Variants in RAD54B observed in about 807,000 individuals in gnomAD.
RAD54B encodes DNA repair and recombination protein RAD54B.
A neutral mutation model predicts 95.8 loss-of-function variants in RAD54B; 78 were observed. The ratio of observed to expected loss-of-function variants is 0.81; its 90% CI spans 0.68 to 0.98. RAD54B has a LOEUF of 0.98. RAD54B is among the 50% of genes least tolerant of loss of function. RAD54B has a pLI of 0.00. For missense variants in RAD54B, 957 were observed against 1,056.6 expected, an observed-to-expected ratio of 0.91 and a Z score of 1.31; for synonymous variants, 328 against 354.9, an observed-to-expected ratio of 0.92 and a Z score of 0.85.
intron 3 of RAD54B, among the ~76,000 whole-genome samples, chr8:94,411,804 T>TA (rs1321554059): frequency 1.3e-5 from 2 of 152,168 alleles, no homozygotes; most frequent in East Asian, 3.9e-4. Flanking sequence ...AACATTCTGT[T>TA]TTGATATATG....
At chr8:94,425,480 A>G (rs530422456) in intron 3 of RAD54B, among the ~76,000 whole-genome samples, 31 of 152,292 alleles carry the variant, frequency 2.0e-4, no homozygotes, top group Non-Finnish European at 4.1e-4. Flanking sequence ...TCATGTTTTG[A>G]GTTTTAAAAT....
intron 3 of RAD54B, chr8:94,436,533 G>T: frequency 1.3e-6 from 2 of 1,549,998 alleles, no homozygotes; most frequent in South Asian, 1.2e-5. Context: ...GGCAAAAACT[G>T]GAAATCTGGG....
chr8:94,468,230 A>G (rs1166285258), intron 1 of RAD54B, among the ~76,000 whole-genome samples: 2 of 152,164 alleles, frequency 1.3e-5, no homozygotes, highest in Non-Finnish European at 2.9e-5. Context: ...ATCTTTAAAA[A>G]TAGTTACATG....
intron 2 of RAD54B, among the ~76,000 whole-genome samples, chr8:94,460,473 A>T (rs1479386345): frequency 6.6e-6 from 1 of 152,232 alleles, no homozygotes; most frequent in Non-Finnish European, 1.5e-5. Context: ...CCTGCCTCAA[A>T]AAATAAAAAT....
intron 3 of RAD54B, among the ~76,000 whole-genome samples, chr8:94,418,048 TC>T (rs1811717619): frequency 1.3e-5 from 2 of 152,200 alleles, no homozygotes; most frequent in South Asian, 4.1e-4. Context: ...TGACCTTCCT[TC>T]CCTAATGAGA....
intron 6 of RAD54B, among the ~76,000 whole-genome samples, chr8:94,401,590 A>G (rs1250424588): frequency 6.6e-6 from 1 of 152,192 alleles, no homozygotes; most frequent in East Asian, 1.9e-4. Flanking sequence ...CAAAAGTTAT[A>G]TGCAGATTTT....
intron 4 of RAD54B, among the ~76,000 whole-genome samples, chr8:94,408,142 C>T (rs1289072576): frequency 6.6e-6 from 1 of 152,122 alleles, no homozygotes; most frequent in Admixed American, 6.5e-5. Context: ...GCAACTGCTA[C>T]CACAACTAGT....
chr8:94,452,196 C>A (rs1812671266), intron 3 of RAD54B, among the ~76,000 whole-genome samples: 1 of 152,202 alleles, frequency 6.6e-6, no homozygotes, highest in South Asian at 2.1e-4. Context: ...CCTCCCAAAG[C>A]CCTCACCTCC....
chr8:94,379,739 ATGTTACTTT>A (rs1268170463), intron 12 of RAD54B, among the ~76,000 whole-genome samples: 1 of 152,224 alleles, frequency 6.6e-6, no homozygotes, highest in African/African-American at 2.4e-5. Flanking sequence ...TTTCCTAAAT[ATGTTACTTT>A]TATACCCTTA....
At chr8:94,469,206 AACGGTGAT>A (rs1813107286) in intron 1 of RAD54B, among the ~76,000 whole-genome samples, 1 of 152,114 alleles carries the variant, frequency 6.6e-6, no homozygotes, top group African/African-American at 2.4e-5. Flanking sequence ...ATTTAAACTG[AACGGTGAT>A]ACAGTTTGGC....
chr8:94,474,211 C>T (rs1813238143), intron 1 of RAD54B, among the ~76,000 whole-genome samples: 1 of 152,082 alleles, frequency 6.6e-6, no homozygotes, highest in African/African-American at 2.4e-5. Flanking sequence ...GTGGAGACAA[C>T]TAGAAGGGAG....
chr8:94,407,789 CA>C, intron 4 of RAD54B, 69 bp from the exon 5 acceptor site: 2 of 1,331,394 alleles, frequency 1.5e-6, no homozygotes, highest in East Asian at 2.3e-5. Context: ...CGTAACTGTA[CA>C]AAAAAACTGC....
At chr8:94,437,904 T>C (rs951229520) in intron 3 of RAD54B, among the ~76,000 whole-genome samples, 3 of 152,204 alleles carry the variant, frequency 2.0e-5, no homozygotes, top group Non-Finnish European at 4.4e-5. Flanking sequence ...TACATAATAA[T>C]GTAAGCAAGA....
intron 11 of RAD54B, among the ~76,000 whole-genome samples, chr8:94,382,366 A>G (rs1810765352): frequency 6.6e-6 from 1 of 152,208 alleles, no homozygotes; most frequent in Non-Finnish European, 1.5e-5. Flanking sequence ...CTAGAAAACA[A>G]CATGTAAAGC....
Position 94,427,844 on chromosome 8 carries a change from C to A in RAD54B, c.305-16529G>T, listed in dbSNP as rs543736979. On this transcript the variant is annotated intron_variant, in intron 3 of 14. Transcript: ENST00000336148. ...TTAAACATGTGTATTTAAAAGTTGA[C>A]ATTACTCCAAAAGAAGGCACATGAA... The A allele has an allele frequency of 4.2e-6, 4 of 960,294 alleles. No homozygotes were observed. The African/African-American group carries it at 7.1e-5, about 17-fold the overall frequency. The allele number at this position is 960,294 out of a possible 1,614,324, so 59.5% of individuals were successfully genotyped here.
chr8:94,427,031 G>A (rs1383207305), intron 3 of RAD54B, among the ~76,000 whole-genome samples: 1 of 152,084 alleles, frequency 6.6e-6, no homozygotes, highest in East Asian at 1.9e-4. Flanking sequence ...CAGAATCTAT[G>A]TGGTAGATAT....
chr8:94,384,675 T>C (rs541640348), intron 11 of RAD54B, among the ~76,000 whole-genome samples: 2 of 152,350 alleles, frequency 1.3e-5, no homozygotes, highest in African/African-American at 4.8e-5. Context: ...GTTATGTCTA[T>C]ATTACCACAA....
chr8:94,422,396 G>T (rs1811825217), intron 3 of RAD54B, among the ~76,000 whole-genome samples: 1 of 150,758 alleles, frequency 6.6e-6, no homozygotes, highest in African/African-American at 2.4e-5. Flanking sequence ...AGACCAGCCT[G>T]GCCAACGTGG....
intron 3 of RAD54B, among the ~76,000 whole-genome samples, chr8:94,452,971 T>C (rs1056695417): frequency 6.6e-6 from 1 of 152,190 alleles, no homozygotes; most frequent in South Asian, 2.1e-4. Flanking sequence ...TCCTCACGCA[T>C]TGCTGATGAG....
Sources: allele counts gnomAD v4.1 joint callset (sites outside exome capture counted in the v4.1 genomes callset), GRCh38; gene constraint gnomAD v4.1.1; transcripts MANE v1.5; gene names NCBI Gene and HGNC (gene_info 2026-07-23, HGNC 2026-07-21).